ALPK1: variants seen among roughly 807,000 people sequenced by gnomAD.
ALPK1 encodes alpha kinase 1.
In ALPK1, 110 loss-of-function variants were observed where a neutral mutation model predicts 120.6. The ratio of observed to expected loss-of-function variants is 0.91; its 90% CI spans 0.78 to 1.07. ALPK1 has a LOEUF of 1.07. Among genes scored for constraint, ALPK1 ranks in the 50% least tolerant of loss-of-function variants. The pLI is 0.00. For synonymous variants in ALPK1, 582 were observed against 560.3 expected (o/e 1.04, Z -0.55); for missense variants, 1,498 against 1,483.9 (o/e 1.01, Z -0.16).
rs138379441 is a variant in ALPK1 at position 112,431,842 on chromosome 4, G to A, written c.2295G>A (p.Gln765=). 251 of 1,614,090 alleles carry A rather than the reference G, an allele frequency of 1.6e-4. No individual in the cohort carries two copies. In the African/African-American group the frequency reaches 2.3e-3, roughly 15 times the overall value. The change falls in exon 11 of 16, where the codon CAG becomes CAA. Residue 765 remains glutamine, a synonymous_variant. Transcript: ENST00000650871. ...CDVKDRQGKE[Q]GEEISERGAG... ...TCAAAGACAGGCAGGGGAAAGAGCA[G>A]GGAGAAGAAATTAGTGAAAGAGGCG...
chr4:112,382,166 C>G (rs1420933884), intron 3 of ALPK1, among the ~76,000 whole-genome samples: 1 of 152,162 alleles, frequency 6.6e-6, no homozygotes, highest in Non-Finnish European at 1.5e-5. Context: ...CCTGACTACC[C>G]CAATTTACCT....
intron 1 of ALPK1, among the ~76,000 whole-genome samples, chr4:112,310,454 G>T (rs1361589595): frequency 6.6e-6 from 1 of 152,082 alleles, no homozygotes; most frequent in Non-Finnish European, 1.5e-5. Flanking sequence ...CATAGATTCT[G>T]TATCAGCGGG....
intron 2 of ALPK1, chr4:112,357,629 ACAT>A: frequency 6.2e-7 from 1 of 1,607,694 alleles, no homozygotes; most frequent in Non-Finnish European, 8.5e-7. Flanking sequence ...GAGAACCCAC[ACAT>A]CATCGACAAG....
intron 2 of ALPK1, chr4:112,356,313 A>G: frequency 1.1e-6 from 1 of 929,514 alleles, no homozygotes; most frequent in Non-Finnish European, 1.8e-6. Flanking sequence ...TGGCGAGAAC[A>G]CCTCCAAGAC....
At chr4:112,400,397 C>G (rs1732855175) in intron 4 of ALPK1, among the ~76,000 whole-genome samples, 1 of 152,158 alleles carries the variant, frequency 6.6e-6, no homozygotes, top group Admixed American at 6.5e-5. Flanking sequence ...CTCATTGACT[C>G]TCTTTTCTCA....
In ALPK1 at chr4:112,441,447, A is replaced by G; in HGVS notation, c.*237A>G. ...CATGGAAAACAGCCCCAACTCACCC[A>G]TGAGGGATGAAAAGCACTCTTGAGA... On this transcript the variant is annotated 3_prime_UTR_variant, in exon 16 of 16. Transcript: ENST00000650871. 3 of 576,292 alleles carry G rather than the reference A, an allele frequency of 5.2e-6. No homozygotes were observed. Among genetic ancestry groups the G allele is most frequent in the Non-Finnish European group, 9.3e-6 (3 of 323,376 alleles). The allele number at this position is 576,292 out of a possible 1,614,324, so 35.7% of individuals were successfully genotyped here. A position where few individuals can be genotyped will look rare whatever the true frequency, so the allele number is the denominator to read the frequency against.
chr4:112,351,225 C>A (rs1313772512), intron 2 of ALPK1, among the ~76,000 whole-genome samples: 1 of 152,124 alleles, frequency 6.6e-6, no homozygotes, highest in Non-Finnish European at 1.5e-5. Flanking sequence ...GGAACACTCT[C>A]ATTGCACTTC....
intron 4 of ALPK1, among the ~76,000 whole-genome samples, chr4:112,387,601 T>C (rs2148732294): frequency 6.6e-6 from 1 of 152,280 alleles, no homozygotes; most frequent in East Asian, 1.9e-4. Context: ...CCATGAAAAA[T>C]GGGTAATCTG....
chr4:112,368,177 C>A (rs1242865699), intron 2 of ALPK1, among the ~76,000 whole-genome samples: 2 of 152,234 alleles, frequency 1.3e-5, no homozygotes, highest in Non-Finnish European at 2.9e-5. Flanking sequence ...CTCCACCTCC[C>A]AAAGTACTGG....
At chr4:112,318,337 GT>G (rs1238549540) in intron 2 of ALPK1, among the ~76,000 whole-genome samples, 5 of 152,196 alleles carry the variant, frequency 3.3e-5, no homozygotes, top group African/African-American at 1.2e-4. Flanking sequence ...CTTTGCATCA[GT>G]CCTATGAGGA....
chr4:112,332,085 ATGG>A (rs34588367), intron 2 of ALPK1, among the ~76,000 whole-genome samples: 28,852 of 152,054 alleles, frequency 0.19, 3,106 homozygotes, highest in Middle Eastern at 0.29. Flanking sequence ...TAGGATCAAT[ATGG>A]TATCCTGATT....
At chr4:112,299,498 A>G (rs1727693906) in intron 1 of ALPK1, among the ~76,000 whole-genome samples, 1 of 152,202 alleles carries the variant, frequency 6.6e-6, no homozygotes. Context: ...ATTGATTTTA[A>G]GGAAATGATT....
chr4:112,319,213 G>T (rs1303516488), intron 2 of ALPK1, among the ~76,000 whole-genome samples: 1 of 152,180 alleles, frequency 6.6e-6, no homozygotes, highest in Non-Finnish European at 1.5e-5. Context: ...CCATACTTAT[G>T]AGGTGAGGTT....
intron 7 of ALPK1, 65 bp from the exon 8 acceptor site, chr4:112,426,402 T>C (rs770141843): frequency 7.8e-7 from 1 of 1,280,770 alleles, no homozygotes; most frequent in Non-Finnish European, 1.1e-6. Flanking sequence ...GTTTTCTCTA[T>C]ACAAGAGCAC....
rs138151334 is a variant in ALPK1 at position 112,425,690 on chromosome 4, T to G, written c.561T>G (p.Ser187Arg). The change falls in exon 7 of 16, where the codon AGT becomes AGG. Residue 187 changes from serine (S) to arginine (R), a missense_variant. Physicochemically the swap from Ser to Arg is moderately radical, Grantham distance 110. Coordinates refer to ENST00000650871, the MANE Select transcript of ALPK1 (RefSeq NM_025144.4). ...GTACCTGGCTGTACAGAAATGAAAG[T>G]GACAAGGTCCTGGTGCAGTCGGTCT... is the stretch of plus-strand genomic sequence containing the variant. The part of the protein sequence containing the change: ...ATGTWLYRNE[S>R]DKVLVQSVCI... 7.8e-4 allele frequency: 1,256 copies of G among 1,613,246 alleles called. 9 individuals carry two copies. In the African/African-American group the frequency reaches 0.015, roughly 20 times the overall value.
intron 4 of ALPK1, among the ~76,000 whole-genome samples, chr4:112,389,574 G>A (rs1732312918): frequency 6.6e-6 from 1 of 152,252 alleles, no homozygotes; most frequent in Non-Finnish European, 1.5e-5. Context: ...CAAATCAGGA[G>A]AATGGAGCAT....
At chr4:112,382,289 CTTTT>C (rs34345428) in intron 3 of ALPK1, 105 bp from the exon 4 acceptor site, 202,761 of 659,016 alleles carry the variant, frequency 0.31, 12,203 homozygotes, top group East Asian at 0.42. Context: ...AGGTTTTTCT[CTTTT>C]TTTTTTTTTT....
rs1734412725 is a variant in ALPK1, at chr4:112,429,207, C to A, written c.854C>A (p.Ala285Glu). Residue 285 changes from alanine (A) to glutamate (E), a missense_variant, in exon 10 of 16, where the codon GCA becomes GAA. Ala to Glu is a moderately radical substitution (Grantham distance 107). Transcript: ENST00000650871. ...TCCGCTGCAGAAGCCTGCAAGCTGG[C>A]AGCTGCCTTCAGTGCCTATACGCCG... ...LLSAAEACKL[A>E]AAFSAYTPLF... 1.9e-6 allele frequency: 3 copies of A among 1,612,958 alleles called. No homozygotes were observed. The highest frequency in any genetic ancestry group is 2.5e-6 in the Non-Finnish European group (3 of 1,179,992).
intron 2 of ALPK1, among the ~76,000 whole-genome samples, chr4:112,349,551 G>GCCCCCCCCC (rs10625139): frequency 5.3e-4 from 55 of 103,742 alleles, no homozygotes; most frequent in East Asian, 8.7e-4. Flanking sequence ...CCCAACCCCT[G>GCCCCCCCCC]CCCCCCCCCG....
Sources: gnomAD v4.1 joint callset for allele counts (sites outside exome capture counted in the v4.1 genomes callset) on GRCh38, gnomAD v4.1.1 for gene constraint, MANE v1.5 for transcripts, NCBI Gene and HGNC (gene_info 2026-07-23, HGNC 2026-07-21) for gene names.